Variants in SRGAP2 observed in about 807,000 individuals in gnomAD.
SRGAP2 encodes the protein SLIT-ROBO Rho GTPase-activating protein 2.
SRGAP2 carries 15 observed loss-of-function variants against 57.2 expected under a neutral mutation model. The ratio of observed to expected loss-of-function variants is 0.26; its 90% CI spans 0.18 to 0.40. SRGAP2 has a LOEUF of 0.40. SRGAP2 is among the 10% of genes least tolerant of loss of function. The probability of loss-of-function intolerance (pLI) is 1.00; values close to 1 mark genes in which losing one functional copy is unlikely to be tolerated. For missense variants in SRGAP2, 520 were observed against 669.6 expected, an observed-to-expected ratio of 0.78 and a Z score of 2.47; for synonymous variants, 249 against 248.0, an observed-to-expected ratio of 1.00 and a Z score of -0.04.
At chr1:206,374,968 T>C (rs1306275057) in intron 4 of SRGAP2, among the ~76,000 whole-genome samples, 5 of 68,916 alleles carry the variant, frequency 7.3e-5, no homozygotes, top group Non-Finnish European at 1.1e-4. Context: ...TTTTACTTCC[T>C]ACCAGGCTGC....
intron 1 of SRGAP2, 129 bp from the exon 2 acceptor site, chr1:206,205,300 C>T (rs1376667676): frequency 7.2e-6 from 1 of 139,360 alleles, no homozygotes; most frequent in African/African-American, 2.7e-5. Context: ...GCTCTGCGGG[C>T]GGGGAGACGT....
At chr1:206,342,069 C>T (rs1399886852) in intron 3 of SRGAP2, among the ~76,000 whole-genome samples, 2 of 152,106 alleles carry the variant, frequency 1.3e-5, no homozygotes, top group South Asian at 2.1e-4. Context: ...ATTTTAGGAA[C>T]GCATGTTCAG....
At chr1:206,247,429 T>G (rs1344411710) in intron 2 of SRGAP2, among the ~76,000 whole-genome samples, 2 of 151,146 alleles carry the variant, frequency 1.3e-5, no homozygotes, top group African/African-American at 4.9e-5. Flanking sequence ...GTTGCCCAAC[T>G]CTGAAGCCAA....
intron 13 of SRGAP2, among the ~76,000 whole-genome samples, chr1:206,426,874 C>G (rs1386181198): frequency 1.3e-5 from 2 of 152,078 alleles, no homozygotes; most frequent in African/African-American, 4.8e-5. Flanking sequence ...AATCCCTTAT[C>G]AGGTGGATAG....
At chr1:206,240,750 C>G (rs1177201734) in intron 2 of SRGAP2, among the ~76,000 whole-genome samples, 2 of 152,184 alleles carry the variant, frequency 1.3e-5, no homozygotes, top group African/African-American at 4.8e-5. Flanking sequence ...GATACGTGCT[C>G]ATGGTAACAC....
intron 11 of SRGAP2, among the ~76,000 whole-genome samples, chr1:206,418,337 G>A (rs1420056430): frequency 3.3e-5 from 5 of 152,192 alleles, no homozygotes; most frequent in Non-Finnish European, 7.3e-5. Context: ...GTAGGGGATG[G>A]CGTTGCTCAA....
At chr1:206,289,308 T>A (rs1295489236) in intron 2 of SRGAP2, among the ~76,000 whole-genome samples, 1 of 145,608 alleles carries the variant, frequency 6.9e-6, no homozygotes, top group East Asian at 2.0e-4. Flanking sequence ...AGTCTCGCTC[T>A]GTCGCCCAGG....
chr1:206,320,980 A>G (rs1393426378), intron 3 of SRGAP2, among the ~76,000 whole-genome samples: 2 of 144,958 alleles, frequency 1.4e-5, no homozygotes, highest in African/African-American at 5.4e-5. Flanking sequence ...ATCAGGACAT[A>G]CAGATTGATA....
rs1664376349 is a variant in SRGAP2 at position 206,463,334 on chromosome 1, C to T, written c.*1914C>T. The stretch of plus-strand genomic sequence containing the variant: ...CAGTCTTGATTTTTGTTGCTGTTTC[C>T]TGACCTGTTCTTGCCTGTCACCTGG... On this transcript the variant is annotated 3_prime_UTR_variant, in exon 23 of 23. Coordinates refer to ENST00000573034, the MANE Select transcript of SRGAP2 (RefSeq NM_015326.5). The T allele has an allele frequency of 6.6e-6, 1 of 152,594 alleles. No homozygotes were observed. Among genetic ancestry groups the T allele is most frequent in the African/African-American group, 2.4e-5 (1 of 41,424 alleles). 9.5% of individuals were successfully genotyped at this position (152,594 alleles called of 1,614,324 possible).
At chr1:206,335,924 T>G (rs1674740892) in intron 3 of SRGAP2, among the ~76,000 whole-genome samples, 1 of 152,150 alleles carries the variant, frequency 6.6e-6, no homozygotes, top group Non-Finnish European at 1.5e-5. Context: ...CTACGATAGC[T>G]TAAATTTGGG....
chr1:206,302,582 T>G (rs1671935859), intron 2 of SRGAP2, among the ~76,000 whole-genome samples: 2 of 152,182 alleles, frequency 1.3e-5, no homozygotes, highest in Non-Finnish European at 2.9e-5. Flanking sequence ...AAAAAATGAT[T>G]TTCATTCTGT....
At chr1:206,321,442 A>G (rs1164120292) in intron 3 of SRGAP2, among the ~76,000 whole-genome samples, 1 of 83,324 alleles carries the variant, frequency 1.2e-5, no homozygotes, top group South Asian at 4.4e-4. Context: ...GTGGAGAGAT[A>G]CTTTGAGACC....
chr1:206,312,631 G>T (rs1271173584), intron 3 of SRGAP2, among the ~76,000 whole-genome samples: 1 of 151,850 alleles, frequency 6.6e-6, no homozygotes, highest in Non-Finnish European at 1.5e-5. Flanking sequence ...GAGAGATGCT[G>T]CAGATAGAAC....
At chr1:206,210,704 A>C (rs1293905158) in intron 2 of SRGAP2, among the ~76,000 whole-genome samples, 1 of 148,606 alleles carries the variant, frequency 6.7e-6, no homozygotes, top group Non-Finnish European at 1.5e-5. Flanking sequence ...GTCTTCTCCA[A>C]AGCTTCTTTC....
At chr1:206,411,782 A>G (rs1475457904) in intron 10 of SRGAP2, among the ~76,000 whole-genome samples, 1 of 152,256 alleles carries the variant, frequency 6.6e-6, no homozygotes, top group Non-Finnish European at 1.5e-5. Context: ...TTTGAAAAGC[A>G]TTCTAGTGCC....
intron 13 of SRGAP2, among the ~76,000 whole-genome samples, chr1:206,427,045 C>T (rs1194699257): frequency 6.6e-6 from 1 of 151,938 alleles, no homozygotes; most frequent in African/African-American, 2.4e-5. Context: ...TTGCCCAGAC[C>T]AGTACCCTTG....
intron 4 of SRGAP2, among the ~76,000 whole-genome samples, chr1:206,377,222 C>T (rs1423839402): frequency 2.6e-5 from 4 of 152,028 alleles, no homozygotes; most frequent in African/African-American, 9.7e-5. Context: ...AGTCAAGTTT[C>T]TGACATTTTC....
At chr1:206,376,499 C>T (rs1315591986) in intron 4 of SRGAP2, among the ~76,000 whole-genome samples, 5 of 152,084 alleles carry the variant, frequency 3.3e-5, no homozygotes, top group Admixed American at 2.0e-4. Flanking sequence ...CAGCATAGTG[C>T]GGCGGAAAGA....
At chr1:206,443,634 C>A (rs552799934) in intron 17 of SRGAP2, among the ~76,000 whole-genome samples, 1 of 152,286 alleles carries the variant, frequency 6.6e-6, no homozygotes, top group South Asian at 2.1e-4. Context: ...ACCTCGACCT[C>A]ACAAAGTGCT....
Sources: gnomAD v4.1 joint callset for allele counts (sites outside exome capture counted in the v4.1 genomes callset) on GRCh38, gnomAD v4.1.1 for gene constraint, MANE v1.5 for transcripts, NCBI Gene and HGNC (gene_info 2026-07-23, HGNC 2026-07-21) for gene names.